EDAR: variants seen among roughly 807,000 people sequenced by gnomAD.
The protein encoded by EDAR is ectodysplasin A receptor, also known as tumor necrosis factor receptor superfamily member EDAR.
Under a neutral mutation model 51.3 loss-of-function variants are expected in EDAR, and 38 were observed. The observed-to-expected ratio is 0.74, with a 90% CI of 0.57 to 0.97. The LOEUF is 0.97. EDAR is among the 50% of genes least tolerant of loss of function. The probability of loss-of-function intolerance (pLI) is 0.00; values close to 1 mark genes in which losing one functional copy is unlikely to be tolerated. For synonymous variants in EDAR, 227 were observed against 242.1 expected, an observed-to-expected ratio of 0.94 and a Z score of 0.58; for missense variants, 528 against 595.0, an observed-to-expected ratio of 0.89 and a Z score of 1.17.
chr2:108,904,113 C>CAA lies in EDAR; in HGVS notation c.1024+2193_1024+2194dup, dbSNP rs766860246. On this transcript the variant is annotated intron_variant, in intron 11 of 11. Transcript: ENST00000258443. The stretch of plus-strand genomic sequence containing the variant: ...TATATTTTTAAAAACCCTCAAAACT[C>CAA]AACAGCAAAAAAATCATACGATACC... 6.6e-5 allele frequency among the ~76,000 whole-genome samples: 10 copies of CAA among 151,982 alleles called. No homozygotes were observed. The East Asian group carries it at 1.9e-3, about 29-fold the overall frequency.
intron 11 of EDAR, 79 bp downstream of exon 11, chr2:108,906,229 G>T: frequency 6.7e-7 from 1 of 1,503,126 alleles, no homozygotes; most frequent in South Asian, 1.1e-5. Flanking sequence ...TCCCCTCACA[G>T]GAGCCTCAGG....
chr2:108,988,524 T>C (rs1698536732), intron 1 of EDAR, among the ~76,000 whole-genome samples: 1 of 152,104 alleles, frequency 6.6e-6, no homozygotes, highest in Non-Finnish European at 1.5e-5. Context: ...TTGGAAGGTC[T>C]CTTAGGTCAC....
chr2:108,945,851 G>T (rs963165768), intron 1 of EDAR, among the ~76,000 whole-genome samples: 19 of 152,194 alleles, frequency 1.2e-4, no homozygotes, highest in Non-Finnish European at 2.8e-4. Context: ...GAGGTCCCCA[G>T]AGTAGTCAGA....
rs571034926 is a variant in EDAR, at chr2:108,975,645, G to A, written c.-19+13315C>T. Among the ~76,000 whole-genome samples the A allele has an allele frequency of 2.0e-5, 3 of 152,248 alleles. No individual in the cohort carries two copies. The South Asian group carries it at 6.2e-4, about 32-fold the overall frequency. ...ACCAATAAGCCTAAAATAGAGCCGGGGGAACAGGGGTGCGGTCTGGGAGCT... is the reference window on the plus strand; with the variant it reads ...ACCAATAAGCCTAAAATAGAGCCGGAGGAACAGGGGTGCGGTCTGGGAGCT... On this transcript the variant is annotated intron_variant, in intron 1 of 11. Coordinates refer to ENST00000258443, the MANE Select transcript of EDAR (RefSeq NM_022336.4).
At chr2:108,906,402 A>G in intron 10 of EDAR, 34 bp from the exon 11 acceptor site, 1 of 1,612,996 alleles carries the variant, frequency 6.2e-7, no homozygotes. Context: ...TCATCTCCAG[A>G]AAGGGGCAAC....
At chr2:108,918,079 A>G (rs1697060082) in intron 5 of EDAR, among the ~76,000 whole-genome samples, 1 of 152,224 alleles carries the variant, frequency 6.6e-6, no homozygotes, top group African/African-American at 2.4e-5. Context: ...GGTTTGGGCA[A>G]AACCCAGAAT....
intron 1 of EDAR, among the ~76,000 whole-genome samples, chr2:108,941,951 G>A (rs956347768): frequency 1.3e-5 from 2 of 152,242 alleles, no homozygotes; most frequent in African/African-American, 4.8e-5. Context: ...AGAGAGGCCT[G>A]TCCATGCCAC....
At chr2:108,909,799 G>C (rs947863175) in intron 9 of EDAR, among the ~76,000 whole-genome samples, 12 of 152,332 alleles carry the variant, frequency 7.9e-5, no homozygotes, top group South Asian at 4.1e-4. Flanking sequence ...CGCGGGAAAG[G>C]CTTCACCTGC....
At chr2:108,901,239 C>G (rs1558796249) in intron 11 of EDAR, among the ~76,000 whole-genome samples, 1 of 152,068 alleles carries the variant, frequency 6.6e-6, no homozygotes, top group Non-Finnish European at 1.5e-5. Context: ...TCTAAATAAT[C>G]CACAGGTCAA....
At chr2:108,968,106 T>C (rs1179917964) in intron 1 of EDAR, among the ~76,000 whole-genome samples, 1 of 152,134 alleles carries the variant, frequency 6.6e-6, no homozygotes, top group African/African-American at 2.4e-5. Flanking sequence ...ACAGGGATAA[T>C]ATCACCTGAT....
intron 5 of EDAR, among the ~76,000 whole-genome samples, chr2:108,922,261 A>T (rs1697156161): frequency 6.6e-6 from 1 of 152,246 alleles, no homozygotes. Context: ...ACCCAGAATG[A>T]TCTGGCCTTG....
intron 1 of EDAR, among the ~76,000 whole-genome samples, chr2:108,956,164 T>C (rs1300988819): frequency 2.0e-5 from 3 of 152,204 alleles, no homozygotes; most frequent in African/African-American, 7.2e-5. Context: ...TCCCATCAAA[T>C]GAACAAGCCA....
At chr2:108,976,617 G>A (rs1698326518) in intron 1 of EDAR, among the ~76,000 whole-genome samples, 1 of 152,202 alleles carries the variant, frequency 6.6e-6, no homozygotes, top group Admixed American at 6.5e-5. Context: ...CCTCTTCTCT[G>A]TTATGTATTT....
chr2:108,923,486 G>C, intron 4 of EDAR, 33 bp from the exon 5 acceptor site: 2 of 1,601,450 alleles, frequency 1.2e-6, no homozygotes, highest in Non-Finnish European at 1.7e-6. Context: ...AACAGAGACA[G>C]GTGAGCTGGA....
At chr2:108,938,601 T>C (rs1430507215) in intron 1 of EDAR, among the ~76,000 whole-genome samples, 9 of 152,172 alleles carry the variant, frequency 5.9e-5, no homozygotes, top group Admixed American at 5.9e-4. Flanking sequence ...TTCTGTTTCA[T>C]TGAATGCCTC....
At chr2:108,898,597 AAATC>A (rs1553443672) in intron 11 of EDAR, among the ~76,000 whole-genome samples, 2 of 152,222 alleles carry the variant, frequency 1.3e-5, no homozygotes, top group Non-Finnish European at 2.9e-5. Context: ...TAAAAAAAGA[AAATC>A]AATAGATGCT....
chr2:108,924,145 A>G (rs1366847679), intron 4 of EDAR, among the ~76,000 whole-genome samples: 1 of 152,220 alleles, frequency 6.6e-6, no homozygotes, highest in East Asian at 1.9e-4. Flanking sequence ...CAAATCATTC[A>G]CAGTAGCTCT....
chr2:108,918,422 G>C (rs971243140), intron 5 of EDAR, among the ~76,000 whole-genome samples: 2 of 152,184 alleles, frequency 1.3e-5, no homozygotes, highest in Non-Finnish European at 2.9e-5. Context: ...CTCCAGGTGG[G>C]TTTCTGTTGG....
intron 1 of EDAR, among the ~76,000 whole-genome samples, chr2:108,963,354 T>C (rs1316261135): frequency 2.6e-5 from 4 of 152,182 alleles, no homozygotes; most frequent in Non-Finnish European, 5.9e-5. Flanking sequence ...AAAATCTGTT[T>C]CTAGGATGCC....
Sources: allele counts gnomAD v4.1 joint callset (sites outside exome capture counted in the v4.1 genomes callset), GRCh38; gene constraint gnomAD v4.1.1; transcripts MANE v1.5; gene names NCBI Gene and HGNC (gene_info 2026-07-23, HGNC 2026-07-21).